Variants in SRPX observed in about 807,000 individuals in gnomAD.
SRPX encodes sushi repeat containing protein X-linked.
In SRPX, 24 loss-of-function variants were observed where a neutral mutation model predicts 38.1. The ratio of observed to expected loss-of-function variants is 0.63; its 90% confidence interval spans 0.46 to 0.89. The LOEUF (loss-of-function observed/expected upper bound fraction) is 0.89, where lower values mean the gene tolerates loss of function less well. Among genes scored for constraint, SRPX ranks in the 40% least tolerant of loss-of-function variants. The pLI is 0.00. For missense variants in SRPX, 416 were observed against 377.8 expected (o/e 1.10, Z -0.84); for synonymous variants, 184 against 153.8 (o/e 1.20, Z -1.45).
chrX:38,199,312 A>G (rs1335366481), intron 1 of SRPX, among the ~76,000 whole-genome samples: 12 of 109,422 alleles, frequency 1.1e-4, no homozygotes, highest in Non-Finnish European at 1.2e-4. Flanking sequence ...AGGCTGAGGC[A>G]GGAGAATGGC....
chrX:38,177,760 A>G (rs1434034506), intron 2 of SRPX, among the ~76,000 whole-genome samples: 2 of 111,601 alleles, frequency 1.8e-5, no homozygotes, highest in Non-Finnish European at 3.8e-5. Context: ...GATTGCTGGG[A>G]ATATGTAGAG....
At chrX:38,172,180 G>A (rs1022102433) in intron 3 of SRPX, 123 bp from the exon 4 acceptor site, 125 of 741,485 alleles carry the variant, frequency 1.7e-4, no homozygotes, top group Non-Finnish European at 2.2e-4. Context: ...AAGGCCAGGC[G>A]CAGTGGCTCA....
intron 4 of SRPX, among the ~76,000 whole-genome samples, chrX:38,169,913 G>A (rs1474744307): frequency 1.8e-5 from 2 of 111,899 alleles, no homozygotes; most frequent in East Asian, 5.5e-4. Flanking sequence ...GAAAACAATA[G>A]TGGTTACATT....
chrX:38,214,422 C>T (rs1050491615), intron 1 of SRPX, among the ~76,000 whole-genome samples: 1 of 110,881 alleles, frequency 9.0e-6, no homozygotes, highest in Admixed American at 9.6e-5. Context: ...GAGGCATGCC[C>T]CCCAGCACAT....
At chrX:38,166,379 A>T (rs1049872029) in intron 4 of SRPX, among the ~76,000 whole-genome samples, 5 of 112,202 alleles carry the variant, frequency 4.5e-5, no homozygotes, top group Admixed American at 1.9e-4. Flanking sequence ...TTAATGCACC[A>T]ATCCTAAATT....
In SRPX at chrX:38,199,436, A is replaced by T. The variant is rs189672479; in HGVS notation, c.98-21092T>A. Among the ~76,000 whole-genome samples, 62 of 109,501 alleles carry T rather than the reference A, an allele frequency of 5.7e-4. No individual in the cohort carries two copies. In the South Asian group the frequency reaches 0.015, roughly 27 times the overall value. ...AATAATAATAATAATTAAAAAAAAT[A>T]AAAAAAGTGTGATATTTCAGAGGTG... On this transcript the variant is annotated intron_variant, in intron 1 of 9. Coordinates refer to ENST00000378533, the MANE Select transcript of SRPX (RefSeq NM_006307.5).
Position 38,164,881 on chromosome X carries a change from T to A in SRPX, c.541A>T (p.Arg181Ter), listed in dbSNP as rs1938335596. Residue 181 changes from arginine (R) to a stop codon, truncating the protein, a stop_gained, in exon 5 of 10, where the codon AGA (arginine) becomes TGA (stop). Coordinates refer to ENST00000378533, the MANE Select transcript of SRPX (RefSeq NM_006307.5). LOFTEE classifies it high-confidence loss of function. ...TCCTTCACACTTGGGCACTTGATTC[T>A]AGGAGGTTCCATATCTGAAAATATA... Reference protein sequence around the residue: ...PASCVDMEPPRIKCPSVKERI... With the variant: ...PASCVDMEPP 1.7e-6 allele frequency: 2 copies of A among 1,210,074 alleles called. No homozygotes were observed. Among genetic ancestry groups the A allele is most frequent in the East Asian group, 5.9e-5 (2 of 33,816 alleles).
chrX:38,174,213 G>A lies in SRPX; in HGVS notation c.296C>T (p.Ser99Phe). ...TTTGTTTGACTGGCAGATCAGTAGG[G>A]AAGAGCCATGCAGCTCGTAGCCCTT... ...CQKGYELHGSSLLICQSNKRW... is the reference protein window; with the variant it reads ...CQKGYELHGSFLLICQSNKRW... The change falls in exon 3 of 10, where the codon TCC (serine) becomes TTC (phenylalanine). Residue 99 changes from serine to phenylalanine, a missense_variant. Coordinates refer to ENST00000378533, the MANE Select transcript of SRPX (RefSeq NM_006307.5). 1.7e-6 allele frequency: 2 copies of A among 1,143,300 alleles called. No homozygotes were observed. The highest frequency in any genetic ancestry group is 2.3e-6 in the Non-Finnish European group (2 of 863,674). The allele number at this position is 1,143,300 out of a possible 1,213,427, so 94.2% of individuals were successfully genotyped here.
At chrX:38,175,805 G>A (rs1255795065) in intron 2 of SRPX, among the ~76,000 whole-genome samples, 1 of 112,217 alleles carries the variant, frequency 8.9e-6, no homozygotes. Context: ...TTAACCTAGA[G>A]CTGATTAAAT....
intron 1 of SRPX, among the ~76,000 whole-genome samples, chrX:38,197,690 T>A (rs1057401550): frequency 8.9e-6 from 1 of 111,762 alleles, no homozygotes; most frequent in African/African-American, 3.3e-5. Flanking sequence ...AAATAAAAAG[T>A]TTGTTGAATG....
At chrX:38,154,910 T>C (rs760446789) in intron 8 of SRPX, among the ~76,000 whole-genome samples, 9 of 111,369 alleles carry the variant, frequency 8.1e-5, no homozygotes, top group East Asian at 2.8e-4. Flanking sequence ...CAGAGGATTC[T>C]AATTTTTCTT....
chrX:38,213,702 T>C (rs1939377846), intron 1 of SRPX, among the ~76,000 whole-genome samples: 1 of 111,981 alleles, frequency 8.9e-6, no homozygotes, highest in Admixed American at 9.5e-5. Context: ...ATCACGGTTC[T>C]GCAGGTTGTA....
chrX:38,190,743 A>G (rs1039043531), intron 1 of SRPX, among the ~76,000 whole-genome samples: 12 of 111,904 alleles, frequency 1.1e-4, no homozygotes, highest in Non-Finnish European at 2.3e-4. Context: ...CCAGCACACA[A>G]TGCCTGGTGC....
Position 38,149,621 on chromosome X carries a change from T to A in SRPX, c.*90A>T. The stretch of plus-strand genomic sequence containing the variant: ...TAGACTTTTAAAATTACAAATAAAA[T>A]CTGTACATCAAGGATATTTTTAAGG... On this transcript the variant is annotated 3_prime_UTR_variant, in exon 10 of 10. Coordinates refer to ENST00000378533, the MANE Select transcript of SRPX (RefSeq NM_006307.5). 1 of 867,103 alleles carries A rather than the reference T, an allele frequency of 1.2e-6. No individual in the cohort carries two copies. Among genetic ancestry groups the A allele is most frequent in the Non-Finnish European group, 1.6e-6 (1 of 642,090 alleles). 71.5% of individuals were successfully genotyped at this position (867,103 alleles called of 1,213,427 possible). A position where few individuals can be genotyped will look rare whatever the true frequency, so the allele number is the denominator to read the frequency against.
chrX:38,183,555 C>T lies in SRPX; in HGVS notation c.98-5211G>A, dbSNP rs760550493. ...GTTCAGTAGACTGTACTTACTAAAG[C>T]AGCAGAGGAGCTTTATGTACATTGG... On this transcript the variant is annotated intron_variant, in intron 1 of 9. Coordinates refer to ENST00000378533, the MANE Select transcript of SRPX (RefSeq NM_006307.5). Among the ~76,000 whole-genome samples the T allele has an allele frequency of 1.3e-4, 15 of 111,680 alleles. No homozygotes were observed. In the South Asian group the frequency reaches 5.6e-3, roughly 42 times the overall value.
At chrX:38,160,829 T>A in intron 6 of SRPX, 104 bp downstream of exon 6, 1 of 1,005,463 alleles carries the variant, frequency 9.9e-7, no homozygotes, top group Non-Finnish European at 1.3e-6. Flanking sequence ...AGCTGGCAAG[T>A]CTCCCACCAC....
chrX:38,199,901 A>G (rs1216718050), intron 1 of SRPX, among the ~76,000 whole-genome samples: 1 of 112,454 alleles, frequency 8.9e-6, no homozygotes, highest in Admixed American at 9.4e-5. Flanking sequence ...TATTCAAAAG[A>G]GAAGTCTTCA....
At chrX:38,179,344 T>G (rs1938626339) in intron 1 of SRPX, among the ~76,000 whole-genome samples, 1 of 112,502 alleles carries the variant, frequency 8.9e-6, no homozygotes, top group South Asian at 3.7e-4. Flanking sequence ...AAGCTGGAGC[T>G]GAATGGTTTT....
chrX:38,151,261 C>T (rs1213985487), intron 9 of SRPX, among the ~76,000 whole-genome samples: 1 of 111,899 alleles, frequency 8.9e-6, no homozygotes, highest in Non-Finnish European at 1.9e-5. Context: ...TAGATGACTG[C>T]AAAGTGCATT....
Sources: allele counts gnomAD v4.1 joint callset (sites outside exome capture counted in the v4.1 genomes callset), GRCh38; gene constraint gnomAD v4.1.1; transcripts MANE v1.5; gene names NCBI Gene and HGNC (gene_info 2026-07-23, HGNC 2026-07-21).